The following CDH13 variants were observed in gnomAD, a reference collection of about 807,000 sequenced individuals.
CDH13 encodes the protein cadherin 13, also known as cadherin-13.
A neutral mutation model predicts 63.8 loss-of-function variants in CDH13; 24 were observed. That is an observed-to-expected ratio of 0.38 (90% CI 0.27 to 0.53). The LOEUF is 0.53. CDH13 is among the 20% of genes least tolerant of loss of function. The pLI, the probability that CDH13 is intolerant of heterozygous loss-of-function variation, is 0.85. For synonymous variants in CDH13, 503 were observed against 355.3 expected (o/e 1.42, Z -4.67); for missense variants, 1,049 against 903.1 (o/e 1.16, Z -2.07).
chr16:83,316,598 G>T (rs565507680), intron 5 of CDH13, among the ~76,000 whole-genome samples: 229 of 152,252 alleles, frequency 1.5e-3, no homozygotes, highest in Non-Finnish European at 2.2e-3. Flanking sequence ...GCTGCTGAGG[G>T]TGGTAAGGGG....
intron 7 of CDH13, among the ~76,000 whole-genome samples, chr16:83,572,180 G>GTGTGTGTGTC (rs1487191645): frequency 1.7e-5 from 1 of 57,900 alleles, no homozygotes; most frequent in African/African-American, 9.0e-5. Flanking sequence ...CCTGTGGTGT[G>GTGTGTGTGTC]TGTGTGTGTG....
At chr16:83,578,083 G>A (rs1598319776) in intron 7 of CDH13, among the ~76,000 whole-genome samples, 1 of 152,138 alleles carries the variant, frequency 6.6e-6, no homozygotes, top group Non-Finnish European at 1.5e-5. Flanking sequence ...GGGTGCCTCT[G>A]GCTTAAACAG....
At chr16:83,368,929 T>C (rs1226005103) in intron 6 of CDH13, among the ~76,000 whole-genome samples, 1 of 70,836 alleles carries the variant, frequency 1.4e-5, no homozygotes, top group Non-Finnish European at 2.7e-5. Flanking sequence ...TATATATATA[T>C]ATATATATAC....
At chr16:83,407,491 C>G (rs2092065278) in intron 6 of CDH13, among the ~76,000 whole-genome samples, 1 of 152,122 alleles carries the variant, frequency 6.6e-6, no homozygotes, top group Admixed American at 6.5e-5. Context: ...TTCAGCTAGA[C>G]TACTATGACT....
At chr16:82,930,334 C>T (rs958305173) in intron 2 of CDH13, among the ~76,000 whole-genome samples, 19 of 152,102 alleles carry the variant, frequency 1.2e-4, no homozygotes, top group Non-Finnish European at 2.4e-4. Flanking sequence ...GTATGGGACT[C>T]TCTCTTTTTG....
In CDH13 at chr16:82,644,044, G is replaced by A. The variant is rs1005381263; in HGVS notation, c.45+16907G>A. Among the ~76,000 whole-genome samples the A allele has an allele frequency of 6.6e-6, 1 of 152,166 alleles. No individual in the cohort carries two copies. The highest frequency in any genetic ancestry group is 1.5e-5 in the Non-Finnish European group (1 of 68,032). On this transcript the variant is annotated intron_variant, in intron 1 of 13. Transcript: ENST00000567109. The surrounding 1 kb of genome is among the most constrained non-coding windows in gnomAD (Gnocchi z 5.7). Reference sequence around the variant, plus strand: ...TGGCTGACTTTTAAAAGTAGTAAGTGGTTTAGGATGGGGGGTGGTATGGAG... The same window carrying A: ...TGGCTGACTTTTAAAAGTAGTAAGTAGTTTAGGATGGGGGGTGGTATGGAG...
chr16:83,319,152 G>C (rs931887714), intron 5 of CDH13, among the ~76,000 whole-genome samples: 2 of 152,032 alleles, frequency 1.3e-5, no homozygotes, highest in African/African-American at 4.8e-5. Context: ...TTTTCTTGCT[G>C]CTTGTTGTCT....
At chr16:82,736,617 T>C (rs1203952415) in intron 1 of CDH13, among the ~76,000 whole-genome samples, 1 of 152,218 alleles carries the variant, frequency 6.6e-6, no homozygotes, top group Non-Finnish European at 1.5e-5. Context: ...TGGTATTTTT[T>C]TCCTCTCTCC....
chr16:83,742,026 G>A (rs1322425752), intron 10 of CDH13, among the ~76,000 whole-genome samples: 2 of 152,234 alleles, frequency 1.3e-5, no homozygotes, highest in Non-Finnish European at 2.9e-5. Flanking sequence ...GTTGGGGACT[G>A]CTGCCCTACC....
intron 6 of CDH13, among the ~76,000 whole-genome samples, chr16:83,370,102 C>T (rs1442261679): frequency 6.6e-6 from 1 of 152,128 alleles, no homozygotes; most frequent in Non-Finnish European, 1.5e-5. Context: ...ACTTTCATAT[C>T]GTTGGCTAGG....
chr16:83,744,419 C>T (rs1912372417), intron 10 of CDH13, among the ~76,000 whole-genome samples: 1 of 152,198 alleles, frequency 6.6e-6, no homozygotes, highest in Admixed American at 6.5e-5. Context: ...TAAAGCAGTT[C>T]ATTCTCATGA....
chr16:83,499,848 G>A (rs936723113), intron 7 of CDH13, among the ~76,000 whole-genome samples: 1 of 151,920 alleles, frequency 6.6e-6, no homozygotes, highest in African/African-American at 2.4e-5. Flanking sequence ...TATTGCTCAA[G>A]CTGTAGTGCA....
At chr16:83,110,026 C>G (rs572684441) in intron 3 of CDH13, among the ~76,000 whole-genome samples, 1 of 152,314 alleles carries the variant, frequency 6.6e-6, no homozygotes, top group South Asian at 2.1e-4. Context: ...TATTTTTTAA[C>G]TAGCGGTTCA....
chr16:82,793,414 A>T (rs1470182908), intron 1 of CDH13, among the ~76,000 whole-genome samples: 1 of 151,626 alleles, frequency 6.6e-6, no homozygotes, highest in Non-Finnish European at 1.5e-5. Context: ...TCCTGTCCAA[A>T]TGAAAAAGCA....
At position 83,387,369 on chromosome 16, in the gene CDH13, T is replaced by C. The variant is rs373262721; in HGVS notation, c.781+42363T>C. Among the ~76,000 whole-genome samples, 105 of 152,310 alleles carry C rather than the reference T, an allele frequency of 6.9e-4. 2 individuals carry two copies. Among genetic ancestry groups the C allele is most frequent in the African/African-American group, 2.4e-3 (101 of 41,560 alleles). The stretch of plus-strand genomic sequence containing the variant: ...CAGCAGGTTTCGGCTCACTTCTAGT[T>C]GTTTACTATTTTCCAAGTCACTGTG... On this transcript the variant is annotated intron_variant, in intron 6 of 13. Coordinates refer to ENST00000567109, the MANE Select transcript of CDH13 (RefSeq NM_001257.5).
At chr16:83,013,855 G>T (rs150232704) in intron 2 of CDH13, among the ~76,000 whole-genome samples, 1 of 152,144 alleles carries the variant, frequency 6.6e-6, no homozygotes, top group African/African-American at 2.4e-5. Context: ...AACATAGGGA[G>T]GAATCCAAAA....
chr16:83,184,363 A>G (rs929920814), intron 4 of CDH13, among the ~76,000 whole-genome samples: 3 of 152,134 alleles, frequency 2.0e-5, no homozygotes, highest in African/African-American at 7.2e-5. Flanking sequence ...TCCTCCCCGT[A>G]TCATTCCTCA....
At chr16:83,444,523 C>G (rs2072607786) in intron 6 of CDH13, among the ~76,000 whole-genome samples, 2 of 152,182 alleles carry the variant, frequency 1.3e-5, no homozygotes, top group Non-Finnish European at 2.9e-5. Flanking sequence ...AGGGCACCCA[C>G]CTGATGAGTG....
At chr16:82,758,492 A>T (rs1263030101) in intron 1 of CDH13, among the ~76,000 whole-genome samples, 6 of 148,834 alleles carry the variant, frequency 4.0e-5, no homozygotes, top group Admixed American at 4.0e-4. Context: ...CAGTCTTCTG[A>T]CTCCCACTAG....
Sources: gnomAD v4.1 joint callset for allele counts (sites outside exome capture counted in the v4.1 genomes callset) on GRCh38, gnomAD v4.1.1 for gene constraint, Gnocchi (gnomAD v3.1) non-coding constraint, MANE v1.5 for transcripts, NCBI Gene and HGNC (gene_info 2026-07-23, HGNC 2026-07-21) for gene names.